The following LCOR variants were observed in gnomAD, a reference collection of about 807,000 sequenced individuals.
LCOR encodes the protein ligand dependent nuclear receptor corepressor, also known as ligand-dependent corepressor.
LCOR carries 14 observed loss-of-function variants against 64.4 expected under a neutral mutation model. The observed-to-expected ratio is 0.22, with a 90% confidence interval of 0.14 to 0.34. The LOEUF (loss-of-function observed/expected upper bound fraction) is 0.34. Ranked by LOEUF, LCOR falls within the 10% of genes least tolerant of loss-of-function variation. The pLI, the probability that LCOR is intolerant of heterozygous loss-of-function variation, is 1.00. For missense variants in LCOR, 1,686 were observed against 1,765.3 expected, an observed-to-expected ratio of 0.96 and a Z score of 0.80; for synonymous variants, 643 against 642.5, an observed-to-expected ratio of 1.00 and a Z score of -0.01.
chr10:96,894,744 T>A (rs918750776), intron 2 of LCOR, among the ~76,000 whole-genome samples: 3 of 152,232 alleles, frequency 2.0e-5, no homozygotes, highest in Non-Finnish European at 4.4e-5. Flanking sequence ...AGTAATGATT[T>A]TTAAAATATA....
chr10:96,871,894 C>A (rs968343569), intron 2 of LCOR, among the ~76,000 whole-genome samples: 1 of 152,170 alleles, frequency 6.6e-6, no homozygotes, highest in South Asian at 2.1e-4. Flanking sequence ...ACAAACTGAT[C>A]TAATAACTTT....
At chr10:96,978,489 G>A (rs968945514) in intron 7 of LCOR, among the ~76,000 whole-genome samples, 5 of 152,074 alleles carry the variant, frequency 3.3e-5, no homozygotes, top group African/African-American at 1.2e-4. Flanking sequence ...AGAGTTCACC[G>A]TACTTGTGTA....
intron 2 of LCOR, among the ~76,000 whole-genome samples, chr10:96,864,538 A>G (rs934865597): frequency 3.3e-5 from 5 of 152,358 alleles, no homozygotes; most frequent in African/African-American, 9.6e-5. Context: ...CACTTAGAAT[A>G]TAATGGGAAA....
chr10:96,875,537 C>T (rs1444878180), intron 2 of LCOR, among the ~76,000 whole-genome samples: 1 of 152,080 alleles, frequency 6.6e-6, no homozygotes, highest in African/African-American at 2.4e-5. Context: ...GATTGTTCAT[C>T]ATTACCACTG....
intron 7 of LCOR, chr10:96,957,667 A>C (rs1847806949): frequency 3.0e-6 from 3 of 985,428 alleles, no homozygotes; most frequent in Non-Finnish European, 2.4e-6. Context: ...TTTCCAAGGC[A>C]TAAATTCTTG....
intron 4 of LCOR, among the ~76,000 whole-genome samples, chr10:96,913,987 C>T (rs1223554345): frequency 6.6e-6 from 1 of 151,944 alleles, no homozygotes; most frequent in East Asian, 1.9e-4. Flanking sequence ...AGGGCACATC[C>T]TGGTTGGAAC....
intron 7 of LCOR, among the ~76,000 whole-genome samples, chr10:96,953,072 G>A (rs939394157): frequency 1.3e-5 from 2 of 152,068 alleles, no homozygotes; most frequent in African/African-American, 2.4e-5. Context: ...CAAATAGAAG[G>A]ATTCCTTTAC....
chr10:96,966,289 C>T (rs528577061), intron 7 of LCOR, among the ~76,000 whole-genome samples: 52 of 121,886 alleles, frequency 4.3e-4, no homozygotes, highest in Non-Finnish European at 7.7e-4. Flanking sequence ...AGTGCAGTGG[C>T]GCGATCTCGG....
At chr10:96,901,606 G>A (rs141055622) in intron 2 of LCOR, among the ~76,000 whole-genome samples, 3 of 152,048 alleles carry the variant, frequency 2.0e-5, no homozygotes, top group Admixed American at 6.6e-5. Context: ...TTTTTAAAAC[G>A]TTCATTCTTT....
At chr10:96,947,291 G>T (rs1847605270) in intron 5 of LCOR, among the ~76,000 whole-genome samples, 3 of 151,992 alleles carry the variant, frequency 2.0e-5, no homozygotes, top group African/African-American at 7.2e-5. Flanking sequence ...AGTAGAGTAA[G>T]CCTCATTAAA....
At chr10:96,894,308 A>G (rs1846500307) in intron 2 of LCOR, among the ~76,000 whole-genome samples, 1 of 152,060 alleles carries the variant, frequency 6.6e-6, no homozygotes, top group South Asian at 2.1e-4. Context: ...CAATTTCTTG[A>G]CCACGTGATC....
Position 96,839,885 on chromosome 10 carries a change from A to C in LCOR, c.-330+6406A>C, listed in dbSNP as rs375251966. On this transcript the variant is annotated intron_variant, in intron 2 of 7. Transcript: ENST00000421806. ...GTAGTTTTAGGAAAGACAGGGTTTC[A>C]CCCTTTTGGCCAGGCTGGTCTCAAA... is the stretch of plus-strand genomic sequence containing the variant. 1.4e-3 allele frequency among the ~76,000 whole-genome samples: 220 copies of C among 152,140 alleles called. 1 individual carries two copies. Among genetic ancestry groups the C allele is most frequent in the African/African-American group, 4.2e-3 (175 of 41,506 alleles).
chr10:96,956,027 T>G (rs1847767373), intron 7 of LCOR: 6 of 1,490,458 alleles, frequency 4.0e-6, no homozygotes, highest in African/African-American at 2.8e-5. Flanking sequence ...GACACTTGCT[T>G]CTTTGCAGAT....
chr10:96,957,936 A>G (rs1847811581), intron 7 of LCOR: 1 of 986,684 alleles, frequency 1.0e-6, no homozygotes, highest in Admixed American at 6.1e-5. Context: ...TTATGATTCT[A>G]CAATATTTTG....
At chr10:96,879,228 T>A (rs1484332869) in intron 2 of LCOR, among the ~76,000 whole-genome samples, 2 of 152,208 alleles carry the variant, frequency 1.3e-5, no homozygotes, top group Non-Finnish European at 2.9e-5. Context: ...GATTCACAGA[T>A]GAAGCACAAA....
chr10:96,983,272 G>A lies in LCOR; in HGVS notation c.2812G>A (p.Gly938Arg). ...CAGCAGGGACCCCATAACCACAGCT[G>A]GACAGCCACTGCCTGGAGAGAGATT... ...FPSRDPITTA[G>R]QPLPGERLEI... is the part of the protein sequence containing the mutation. Residue 938 changes from glycine to arginine, a missense_variant, in exon 8 of 8, where the codon GGA becomes AGA. Transcript: ENST00000421806. This position sits in a 1 kb window ranked among gnomAD's most constrained non-coding sequence, Gnocchi z 4.5. 9 of 1,614,136 alleles carry A rather than the reference G, an allele frequency of 5.6e-6. No individual in the cohort carries two copies. The highest frequency in any genetic ancestry group is 1.1e-5 in the South Asian group (1 of 91,082).
At position 96,989,313 on chromosome 10, in the gene LCOR, C is replaced by G. The variant is rs527936572; in HGVS notation, c.*4179C>G. 1 of 152,122 alleles carries G rather than the reference C, an allele frequency of 6.6e-6. No homozygotes were observed. The highest frequency in any genetic ancestry group is 2.1e-4 in the South Asian group (1 of 4,818). The allele number at this position is 152,122 out of a possible 1,614,324, so 9.4% of individuals were successfully genotyped here. On this transcript the variant is annotated 3_prime_UTR_variant, in exon 8 of 8. Coordinates refer to ENST00000421806, the MANE Select transcript of LCOR (RefSeq NM_001346516.2). The stretch of plus-strand genomic sequence containing the variant: ...TTCACTCACACAGAACTGACTCTGG[C>G]TTTATTTCTTGTTTATTAAAGTAAG...
At chr10:96,948,872 C>G (rs748555996) in intron 5 of LCOR, 136 bp from the exon 6 acceptor site, 91 of 532,538 alleles carry the variant, frequency 1.7e-4, no homozygotes, top group Non-Finnish European at 2.6e-4. Flanking sequence ...GCTTAGAAAA[C>G]ATAAGTCAAA....
chr10:96,930,226 G>A (rs1034740429), intron 4 of LCOR, among the ~76,000 whole-genome samples: 11 of 152,162 alleles, frequency 7.2e-5, no homozygotes, highest in African/African-American at 2.2e-4. Flanking sequence ...TGCCTGTGTT[G>A]TATGCCATTG....
Sources: gnomAD v4.1 joint callset for allele counts (sites outside exome capture counted in the v4.1 genomes callset) on GRCh38, gnomAD v4.1.1 for gene constraint, Gnocchi (gnomAD v3.1) non-coding constraint, MANE v1.5 for transcripts, NCBI Gene and HGNC (gene_info 2026-07-23, HGNC 2026-07-21) for gene names.